QTMAN: variants seen among roughly 807,000 people sequenced by gnomAD.
QTMAN encodes tRNA-queuosine alpha-mannosyltransferase.
the QTMAN span, among the ~76,000 whole-genome samples, chr2:144,330,876 T>C: frequency 2.0e-5 from 3 of 152,242 alleles, no homozygotes; most frequent in South Asian, 6.2e-4. Flanking sequence ...GATTGGATTA[T>C]ACTGTTAATG....
the QTMAN span, among the ~76,000 whole-genome samples, chr2:144,316,147 G>A: frequency 6.6e-5 from 10 of 151,982 alleles, no homozygotes; most frequent in African/African-American, 4.8e-5. Context: ...AGGCTGGGAC[G>A]AGAGGACTGC....
chr2:144,144,715 G>A, the QTMAN span, among the ~76,000 whole-genome samples: 2 of 151,810 alleles, frequency 1.3e-5, no homozygotes, highest in Non-Finnish European at 2.9e-5. Context: ...ACACAACACA[G>A]AATTATTACT....
At chr2:143,977,484 C>A in the QTMAN span, among the ~76,000 whole-genome samples, 4 of 152,106 alleles carry the variant, frequency 2.6e-5, no homozygotes. Context: ...AGCACGACTC[C>A]ACAGAGTGAA....
the QTMAN span, among the ~76,000 whole-genome samples, chr2:144,079,617 T>C: frequency 6.6e-6 from 1 of 152,050 alleles, no homozygotes; most frequent in African/African-American, 2.4e-5. Flanking sequence ...GAGGAAAGGT[T>C]AAACTTCTTT....
At chr2:144,216,431 A>T in the QTMAN span, among the ~76,000 whole-genome samples, 1 of 152,142 alleles carries the variant, frequency 6.6e-6, no homozygotes, top group African/African-American at 2.4e-5. Context: ...AATCAGGGGG[A>T]CACAGGAAGT....
the QTMAN span, among the ~76,000 whole-genome samples, chr2:143,977,385 C>G: frequency 6.6e-6 from 1 of 152,076 alleles, no homozygotes; most frequent in Admixed American, 6.5e-5. Context: ...CACTTCCAGG[C>G]AAGAAACGCA....
At chr2:143,982,557 A>C in the QTMAN span, among the ~76,000 whole-genome samples, 1 of 151,554 alleles carries the variant, frequency 6.6e-6, no homozygotes, top group African/African-American at 2.4e-5. Flanking sequence ...TATTTATAGC[A>C]AAGAAAAGAA....
At chr2:144,307,489 A>G in the QTMAN span, among the ~76,000 whole-genome samples, 1 of 152,170 alleles carries the variant, frequency 6.6e-6, no homozygotes, top group South Asian at 2.1e-4. Flanking sequence ...TCTGTGCTTT[A>G]ACACTGTCCT....
At chr2:144,062,700 A>G in the QTMAN span, among the ~76,000 whole-genome samples, 3 of 152,204 alleles carry the variant, frequency 2.0e-5, no homozygotes, top group South Asian at 6.2e-4. Flanking sequence ...TTTATTTATT[A>G]TAACTACCAT....
At chr2:144,142,402 G>A in the QTMAN span, among the ~76,000 whole-genome samples, 81 of 151,488 alleles carry the variant, frequency 5.3e-4, 3 homozygotes, top group East Asian at 0.013. Flanking sequence ...CTTTTTCTTC[G>A]TGGCCCAGCT....
the QTMAN span, chr2:143,964,034 T>C: frequency 2.0e-5 from 3 of 152,182 alleles, no homozygotes; most frequent in African/African-American, 7.2e-5. Flanking sequence ...GGGAGGTTAA[T>C]ACTTGTTAAA....
the QTMAN span, among the ~76,000 whole-genome samples, chr2:144,118,439 C>T: frequency 3.9e-5 from 6 of 151,978 alleles, no homozygotes; most frequent in East Asian, 1.9e-4. Flanking sequence ...TGGCTATTAC[C>T]GAGATTAAAA....
chr2:144,107,873 G>A, the QTMAN span, among the ~76,000 whole-genome samples: 31 of 152,210 alleles, frequency 2.0e-4, no homozygotes, highest in South Asian at 6.2e-4. Context: ...CTGGCAAACC[G>A]AATCCAGCAG....
At chr2:144,294,608 G>A in the QTMAN span, 1 of 151,890 alleles carries the variant, frequency 6.6e-6, no homozygotes, top group African/African-American at 2.4e-5. Flanking sequence ...TTCATTTTGT[G>A]TGTGTGTATG....
At chr2:143,988,401 G>T in the QTMAN span, among the ~76,000 whole-genome samples, 2 of 152,118 alleles carry the variant, frequency 1.3e-5, no homozygotes, top group Non-Finnish European at 2.9e-5. Context: ...TACCAATGTG[G>T]CCATATGCCA....
At chr2:144,034,491 C>T in the QTMAN span, among the ~76,000 whole-genome samples, 5 of 152,100 alleles carry the variant, frequency 3.3e-5, no homozygotes, top group East Asian at 1.9e-4. Flanking sequence ...AATTTAGACA[C>T]GTTAGTGTCT....
At chr2:144,086,300 G>A in the QTMAN span, among the ~76,000 whole-genome samples, 4 of 152,102 alleles carry the variant, frequency 2.6e-5, no homozygotes, top group African/African-American at 9.7e-5. Context: ...AGTCTACTAT[G>A]TACCAATAAT....
At chr2:144,263,598 C>A in the QTMAN span, among the ~76,000 whole-genome samples, 9 of 152,120 alleles carry the variant, frequency 5.9e-5, no homozygotes, top group African/African-American at 2.2e-4. Flanking sequence ...ATGGCAGACG[C>A]CTGTAATCCC....
chr2:144,030,841 C>T, the QTMAN span, among the ~76,000 whole-genome samples: 60 of 152,148 alleles, frequency 3.9e-4, 1 homozygote, highest in South Asian at 0.012. Flanking sequence ...CTCAGACCTG[C>T]GGAGGGAGGC....
Sources: allele counts gnomAD v4.1 joint callset (sites outside exome capture counted in the v4.1 genomes callset), GRCh38; gene constraint gnomAD v4.1.1; transcripts MANE v1.5; gene names NCBI Gene and HGNC (gene_info 2026-07-23, HGNC 2026-07-21).